The following MAMDC2 variants were observed in gnomAD, a reference collection of about 807,000 sequenced individuals.
MAMDC2 encodes the protein MAM domain containing 2, also known as MAM domain-containing protein 2.
MAMDC2 carries 57 observed loss-of-function variants against 89.8 expected under a neutral mutation model. That is an observed-to-expected ratio of 0.63 (90% CI 0.51 to 0.79). The LOEUF is 0.79. Among genes scored for constraint, MAMDC2 ranks in the 30% least tolerant of loss-of-function variants. MAMDC2 has a pLI of 0.00. For missense variants in MAMDC2, 800 were observed against 820.6 expected (o/e 0.97, Z 0.31); for synonymous variants, 313 against 293.4 (o/e 1.07, Z -0.68).
chr9:70,068,483 C>G (rs1041445538), intron 2 of MAMDC2, among the ~76,000 whole-genome samples: 55 of 151,926 alleles, frequency 3.6e-4, no homozygotes, highest in African/African-American at 2.4e-5. Flanking sequence ...TTTGGGAGGC[C>G]ATGGTGGGTA....
intron 9 of MAMDC2, among the ~76,000 whole-genome samples, chr9:70,149,924 T>C (rs959095626): frequency 3.2e-4 from 48 of 152,186 alleles, no homozygotes; most frequent in Non-Finnish European, 8.8e-5. Flanking sequence ...TGCAAGGATA[T>C]GTCTGTGTAG....
chr9:70,129,246 T>C (rs73451423), intron 6 of MAMDC2, among the ~76,000 whole-genome samples: 8 of 152,122 alleles, frequency 5.3e-5, no homozygotes, highest in Non-Finnish European at 1.0e-4. Context: ...AGTGAATAAG[T>C]CTCATAAGAT....
At chr9:70,128,114 GA>G (rs1288650495) in intron 6 of MAMDC2, among the ~76,000 whole-genome samples, 1 of 149,852 alleles carries the variant, frequency 6.7e-6, no homozygotes, top group Non-Finnish European at 1.5e-5. Flanking sequence ...ATCAGGAAAA[GA>G]AAGTTGTCCT....
At chr9:70,084,661 T>C (rs1827727774) in intron 2 of MAMDC2, among the ~76,000 whole-genome samples, 1 of 152,162 alleles carries the variant, frequency 6.6e-6, no homozygotes, top group Non-Finnish European at 1.5e-5. Flanking sequence ...TAAATGTGCT[T>C]TCAATTCAGT....
rs112582538 is a variant in MAMDC2 at position 70,086,465 on chromosome 9, C to T, written c.149-21746C>T. On this transcript the variant is annotated intron_variant, in intron 2 of 13. Coordinates refer to ENST00000377182, the MANE Select transcript of MAMDC2 (RefSeq NM_153267.5). ...AACAAAAGCCTTCAAGCACACCACC[C>T]TCTGTGTTCTAGCTATGAAGAGGTT... is the stretch of plus-strand genomic sequence containing the variant. The T allele has an allele frequency of 2.0e-3, 306 of 152,236 alleles. 3 individuals are homozygous for T. Among genetic ancestry groups the T allele is most frequent in the African/African-American group, 6.9e-3 (288 of 41,554 alleles). The allele number at this position is 152,236 out of a possible 1,614,324, so 9.4% of individuals were successfully genotyped here. A position where few individuals can be genotyped will look rare whatever the true frequency, so the allele number is the denominator to read the frequency against.
intron 11 of MAMDC2, among the ~76,000 whole-genome samples, chr9:70,195,604 T>C (rs2032961205): frequency 6.6e-6 from 1 of 152,076 alleles, no homozygotes. Flanking sequence ...TCCTTCTCCA[T>C]CCTACCCAGC....
intron 11 of MAMDC2, among the ~76,000 whole-genome samples, chr9:70,196,335 G>A (rs539206568): frequency 6.6e-5 from 10 of 152,202 alleles, no homozygotes; most frequent in African/African-American, 1.7e-4. Context: ...GCTGTTGCAC[G>A]TCAAACTGCA....
chr9:70,083,825 G>A (rs1350701373), intron 2 of MAMDC2: 1 of 151,552 alleles, frequency 6.6e-6, no homozygotes, highest in Non-Finnish European at 1.5e-5. Flanking sequence ...GGTTCAATTT[G>A]CTATTATCAA....
chr9:70,048,378 G>T (rs1826807461), intron 2 of MAMDC2, among the ~76,000 whole-genome samples: 1 of 152,166 alleles, frequency 6.6e-6, no homozygotes, highest in Admixed American at 6.5e-5. Context: ...GGGTTCAAGT[G>T]ATTCTCCTGC....
chr9:70,140,366 A>C, intron 8 of MAMDC2, 78 bp downstream of exon 8: 1 of 1,427,418 alleles, frequency 7.0e-7, no homozygotes, highest in Non-Finnish European at 9.4e-7. Context: ...TCACACCTGC[A>C]AAGACATCGA....
intron 12 of MAMDC2, among the ~76,000 whole-genome samples, chr9:70,220,667 CTGAA>C (rs963597167): frequency 2.0e-4 from 31 of 152,186 alleles, no homozygotes; most frequent in African/African-American, 7.0e-4. Flanking sequence ...TGATAAGTGG[CTGAA>C]TGAGAACCAG....
intron 11 of MAMDC2, among the ~76,000 whole-genome samples, chr9:70,205,489 C>T (rs753022): frequency 0.069 from 10,457 of 152,186 alleles, 564 homozygotes; most frequent in East Asian, 0.22. Flanking sequence ...CCATTCCACA[C>T]AGCCTCTCCA....
intron 2 of MAMDC2, among the ~76,000 whole-genome samples, chr9:70,063,698 C>T (rs540276320): frequency 3.9e-5 from 6 of 152,264 alleles, no homozygotes; most frequent in East Asian, 1.9e-4. Flanking sequence ...AGAGTTATCA[C>T]TGGAACCTAC....
intron 6 of MAMDC2, among the ~76,000 whole-genome samples, chr9:70,130,354 T>C (rs1344945949): frequency 1.3e-5 from 2 of 152,152 alleles, no homozygotes; most frequent in African/African-American, 2.4e-5. Context: ...GGCTGCACCA[T>C]ACCAAGCCCA....
At chr9:70,218,198 C>A in intron 11 of MAMDC2, 139 bp from the exon 12 acceptor site, 1 of 814,398 alleles carries the variant, frequency 1.2e-6, no homozygotes, top group Non-Finnish European at 1.8e-6. Flanking sequence ...AGATAATATG[C>A]ATTCTTCAAA....
intron 11 of MAMDC2, among the ~76,000 whole-genome samples, chr9:70,198,160 G>GTGTATATA (rs1554681221): frequency 2.0e-5 from 1 of 51,138 alleles, no homozygotes; most frequent in African/African-American, 5.5e-5. Context: ...GTGTATGTGT[G>GTGTATATA]TATATATATA....
At chr9:70,144,542 C>T (rs990737619) in intron 9 of MAMDC2, among the ~76,000 whole-genome samples, 1 of 152,218 alleles carries the variant, frequency 6.6e-6, no homozygotes, top group African/African-American at 2.4e-5. Flanking sequence ...ATCCATTTTG[C>T]TTCAGCCTGT....
chr9:70,128,088 T>C (rs964895195), intron 6 of MAMDC2, among the ~76,000 whole-genome samples: 2 of 152,240 alleles, frequency 1.3e-5, no homozygotes, highest in African/African-American at 4.8e-5. Context: ...TTCACTGGTG[T>C]TATTTGCTCT....
intron 5 of MAMDC2, among the ~76,000 whole-genome samples, chr9:70,124,471 C>A (rs929151614): frequency 8.5e-5 from 13 of 152,142 alleles, no homozygotes; most frequent in African/African-American, 3.1e-4. Flanking sequence ...GGATGTTGAA[C>A]AACTTGCCAC....
Sources: gnomAD v4.1 joint callset for allele counts (sites outside exome capture counted in the v4.1 genomes callset) on GRCh38, gnomAD v4.1.1 for gene constraint, MANE v1.5 for transcripts, NCBI Gene and HGNC (gene_info 2026-07-23, HGNC 2026-07-21) for gene names.